Variants in FEZ1 observed in about 807,000 individuals in gnomAD.
FEZ1 encodes the protein fasciculation and elongation protein zeta-1.
A neutral mutation model predicts 49.3 loss-of-function variants in FEZ1; 20 were observed. The ratio of observed to expected loss-of-function variants is 0.41; its 90% CI spans 0.29 to 0.59. The LOEUF (loss-of-function observed/expected upper bound fraction) is 0.59. Among genes scored for constraint, FEZ1 ranks in the 20% least tolerant of loss-of-function variants. The pLI, the probability that FEZ1 is intolerant of heterozygous loss-of-function variation, is 0.36. For missense variants in FEZ1, 413 were observed against 476.0 expected, an observed-to-expected ratio of 0.87 and a Z score of 1.23; for synonymous variants, 170 against 180.9, an observed-to-expected ratio of 0.94 and a Z score of 0.48.
intron 8 of FEZ1, among the ~76,000 whole-genome samples, chr11:125,450,946 AT>A (rs1456663158): frequency 1.3e-5 from 2 of 152,156 alleles, no homozygotes; most frequent in Non-Finnish European, 2.9e-5. Context: ...TCTAGCTATA[AT>A]TTTTTTAATG....
chr11:125,493,366 G>GAAAA (rs1278272639), intron 1 of FEZ1, among the ~76,000 whole-genome samples: 2 of 21,792 alleles, frequency 9.2e-5, no homozygotes, highest in African/African-American at 3.4e-4. Flanking sequence ...AGAGAGAAAA[G>GAAAA]AAAGAAAGAA....
At chr11:125,484,594 G>T (rs12288661) in intron 2 of FEZ1, among the ~76,000 whole-genome samples, 2,879 of 151,826 alleles carry the variant, frequency 0.019, 75 homozygotes, top group African/African-American at 0.056. Flanking sequence ...CTTGAACCTG[G>T]GAGGCGGAGG....
intron 3 of FEZ1, among the ~76,000 whole-genome samples, chr11:125,477,773 C>T (rs1783927): frequency 0.18 from 28,045 of 151,802 alleles, 2,739 homozygotes; most frequent in African/African-American, 0.22. Context: ...CCTGGCTCTC[C>T]CCTGGCTCCT....
At position 125,448,512 on chromosome 11, in the gene FEZ1, G is replaced by A; in HGVS notation, c.1152C>T (p.Tyr384=). 4.3e-6 allele frequency: 7 copies of A among 1,610,102 alleles called. No homozygotes were observed. Among genetic ancestry groups the A allele is most frequent in the Non-Finnish European group, 6.0e-6 (7 of 1,176,404 alleles). Residue 384 remains tyrosine, a synonymous_variant, in exon 9 of 10, where the codon TAC becomes TAT. Transcript: ENST00000278919. ...TGGGGCTGCTCTTACCTTTTAAAAT[G>A]TAGTCCGTTAGCAAAGTAGGCACCT... ...NEKVPTLLTD[Y]ILKVLCPT is the part of the protein sequence containing the mutation.
In FEZ1 at chr11:125,493,429, A is replaced by G. The variant is rs1431679726; in HGVS notation, c.-46+2692T>C. Among the ~76,000 whole-genome samples the G allele has an allele frequency of 3.9e-4, 14 of 35,490 alleles. 1 individual carries two copies. In the South Asian group the frequency reaches 8.3e-3, roughly 21 times the overall value. The allele number at this position is 35,490 out of a possible 152,430, so 23.3% of individuals were successfully genotyped here. A position where few individuals can be genotyped will look rare whatever the true frequency, so the allele number is the denominator to read the frequency against. ...AAGAAAGAAAGAAAGAAAGAAGGAA[A>G]GAAGGAAAGAAGGAAAGAAGGAAAG... On this transcript the variant is annotated intron_variant, in intron 1 of 9. Transcript: ENST00000278919.
chr11:125,443,641 G>A lies in FEZ1; in HGVS notation c.*2454C>T, dbSNP rs569997080. Among the ~76,000 whole-genome samples, 71 of 152,238 alleles carry A rather than the reference G, an allele frequency of 4.7e-4. No individual in the cohort carries two copies. The highest frequency in any genetic ancestry group is 3.4e-3 in the Middle Eastern group (1 of 294). On this transcript the variant is annotated 3_prime_UTR_variant, in exon 10 of 10. Transcript: ENST00000278919. ...GCATTTCTAACAAGCTTCTAAGTGC[G>A]GTCAGTGCTGCTGGCCTGGAAAGCA...
At chr11:125,449,197 T>C (rs539711724) in intron 8 of FEZ1, among the ~76,000 whole-genome samples, 1 of 149,836 alleles carries the variant, frequency 6.7e-6, no homozygotes, top group Non-Finnish European at 1.5e-5. Flanking sequence ...CACGTGCCAC[T>C]ATGCCCAGCT....
intron 3 of FEZ1, among the ~76,000 whole-genome samples, chr11:125,465,141 T>A (rs751839050): frequency 2.6e-5 from 4 of 152,208 alleles, no homozygotes; most frequent in African/African-American, 9.7e-5. Flanking sequence ...GTTAGGCTCA[T>A]CCTGGGAAAC....
Position 125,495,339 on chromosome 11 carries a change from G to C in FEZ1, c.-46+782C>G. On this transcript the variant is annotated intron_variant, in intron 1 of 9. Coordinates refer to ENST00000278919, the MANE Select transcript of FEZ1 (RefSeq NM_005103.5). The surrounding 1 kb of genome is among the most constrained non-coding windows in gnomAD (Gnocchi z 4.2). Reference sequence around the variant, plus strand: ...GGATGAGAGTCGGGGATGCCTAGCGGCGAGGAGAGAAGGGATAGGCAAAAG... The same window carrying C: ...GGATGAGAGTCGGGGATGCCTAGCGCCGAGGAGAGAAGGGATAGGCAAAAG... 2.1e-6 allele frequency: 1 copy of C among 468,852 alleles called. No homozygotes were observed. The highest frequency in any genetic ancestry group is 4.4e-6 in the Non-Finnish European group (1 of 225,656). 29.0% of individuals were successfully genotyped at this position (468,852 alleles called of 1,614,324 possible). A position where few individuals can be genotyped will look rare whatever the true frequency, so the allele number is the denominator to read the frequency against.
intron 8 of FEZ1, among the ~76,000 whole-genome samples, chr11:125,450,828 A>G (rs1245664339): frequency 2.0e-5 from 3 of 152,240 alleles, no homozygotes; most frequent in Non-Finnish European, 4.4e-5. Context: ...CAAAATATTA[A>G]GTCTGAAAAG....
At position 125,444,664 on chromosome 11, in the gene FEZ1, C is replaced by T. The variant is rs549497289; in HGVS notation, c.*1431G>A. Among the ~76,000 whole-genome samples the T allele has an allele frequency of 1.8e-4, 28 of 151,918 alleles. 2 individuals carry two copies. In the South Asian group the frequency reaches 5.9e-3, roughly 32 times the overall value. On this transcript the variant is annotated 3_prime_UTR_variant, in exon 10 of 10. Transcript: ENST00000278919. ...TGTGTCCCCTAGATGGATTCTGTGG[C>T]CTTCTGTGGAGCTGCTGATGTGATA...
At chr11:125,452,078 C>A (rs1229494605) in intron 8 of FEZ1, among the ~76,000 whole-genome samples, 3 of 152,168 alleles carry the variant, frequency 2.0e-5, no homozygotes, top group Non-Finnish European at 2.9e-5. Context: ...ACCTCTTTCA[C>A]CAGCTCATTT....
At chr11:125,480,842 AT>A (rs1204595166) in intron 3 of FEZ1, among the ~76,000 whole-genome samples, 2 of 152,146 alleles carry the variant, frequency 1.3e-5, no homozygotes, top group Non-Finnish European at 2.9e-5. Context: ...GATCAAGACC[AT>A]CCTGGCTAAC....
At chr11:125,482,018 A>C (rs1024786688) in intron 2 of FEZ1, among the ~76,000 whole-genome samples, 5 of 152,132 alleles carry the variant, frequency 3.3e-5, no homozygotes, top group Non-Finnish European at 5.9e-5. Flanking sequence ...AGAGAGAGAG[A>C]GAGAGAAAGA....
At chr11:125,484,909 A>AG (rs1406324123) in intron 2 of FEZ1, among the ~76,000 whole-genome samples, 10 of 152,118 alleles carry the variant, frequency 6.6e-5, no homozygotes, top group Admixed American at 3.9e-4. Context: ...CAGCCAGGGC[A>AG]GGGGGAAACA....
rs767118680 is a variant in FEZ1 at position 125,446,068 on chromosome 11, G to A, written c.*27C>T. The A allele has an allele frequency of 6.2e-7, 1 of 1,611,560 alleles. No individual in the cohort carries two copies. Among genetic ancestry groups the A allele is most frequent in the Non-Finnish European group, 8.5e-7 (1 of 1,177,724 alleles). ...AATGACTCTTGCTCAGTGACCTCCT[G>A]CAGCGAGGCTGCTCCAAAGGGCAAG... On this transcript the variant is annotated 3_prime_UTR_variant, in exon 10 of 10. Coordinates refer to ENST00000278919, the MANE Select transcript of FEZ1 (RefSeq NM_005103.5).
At chr11:125,488,241 C>T (rs1489236253) in intron 2 of FEZ1, among the ~76,000 whole-genome samples, 1 of 152,184 alleles carries the variant, frequency 6.6e-6, no homozygotes, top group Non-Finnish European at 1.5e-5. Flanking sequence ...GTTATAATTG[C>T]TCTATTTTGC....
chr11:125,449,417 TAAAAA>T (rs35920814), intron 8 of FEZ1, among the ~76,000 whole-genome samples: 13 of 27,016 alleles, frequency 4.8e-4, no homozygotes, highest in Admixed American at 2.2e-3. Flanking sequence ...TTTGTCTCTA[TAAAAA>T]AAAAAAAAAA....
At chr11:125,481,400 C>T (rs575890863) in intron 3 of FEZ1, 134 bp downstream of exon 3, 14 of 735,054 alleles carry the variant, frequency 1.9e-5, no homozygotes, top group Admixed American at 7.3e-5. Context: ...TCACCCACCT[C>T]GGTCTCCCAA....
Sources: gnomAD v4.1 joint callset for allele counts (sites outside exome capture counted in the v4.1 genomes callset) on GRCh38, gnomAD v4.1.1 for gene constraint, Gnocchi (gnomAD v3.1) non-coding constraint, MANE v1.5 for transcripts, NCBI Gene and HGNC (gene_info 2026-07-23, HGNC 2026-07-21) for gene names.